The following TMCO5A variants were observed in gnomAD, a reference collection of about 807,000 sequenced individuals.
TMCO5A encodes transmembrane and coiled-coil domains 5A, also known as transmembrane and coiled-coil domain-containing protein 5A.
In TMCO5A, 34 loss-of-function variants were observed where a neutral mutation model predicts 42.3. The observed-to-expected ratio is 0.80, with a 90% CI of 0.61 to 1.07. TMCO5A has a LOEUF of 1.07. Among genes scored for constraint, TMCO5A ranks in the 50% least tolerant of loss-of-function variants. The pLI is 0.00. For missense variants in TMCO5A, 357 were observed against 327.9 expected, an observed-to-expected ratio of 1.09 and a Z score of -0.69; for synonymous variants, 131 against 115.6, an observed-to-expected ratio of 1.13 and a Z score of -0.86.
chr15:37,987,651 A>C, the TMCO5A span, among the ~76,000 whole-genome samples: 2 of 151,936 alleles, frequency 1.3e-5, no homozygotes, highest in Non-Finnish European at 2.9e-5. Flanking sequence ...GTCTTGGCAC[A>C]CTTATCAAAA....
chr15:37,999,680 T>TG, the TMCO5A span, among the ~76,000 whole-genome samples: 16 of 152,220 alleles, frequency 1.1e-4, no homozygotes, highest in African/African-American at 3.9e-4. Flanking sequence ...CATATGGCTT[T>TG]TATTGTATTG....
the TMCO5A span, among the ~76,000 whole-genome samples, chr15:38,019,945 G>T: frequency 6.6e-6 from 1 of 151,328 alleles, no homozygotes; most frequent in South Asian, 2.1e-4. Context: ...AATGTATAAT[G>T]ACATGTACAG....
intron 11 of TMCO5A, among the ~76,000 whole-genome samples, chr15:37,950,641 A>G (rs150657294): frequency 5.5e-4 from 84 of 152,326 alleles, no homozygotes; most frequent in Non-Finnish European, 2.6e-4. Context: ...CATCCATTTG[A>G]TTAGCAAAAG....
At chr15:38,028,198 T>C in the TMCO5A span, among the ~76,000 whole-genome samples, 1 of 152,144 alleles carries the variant, frequency 6.6e-6, no homozygotes, top group African/African-American at 2.4e-5. Context: ...CTTAGCCCCC[T>C]GTTTTCACTT....
At chr15:38,003,221 A>G in the TMCO5A span, among the ~76,000 whole-genome samples, 1 of 32,052 alleles carries the variant, frequency 3.1e-5, no homozygotes, top group Non-Finnish European at 5.8e-5. Flanking sequence ...TCCCAAACAG[A>G]GTCTCTCTCT....
intron 11 of TMCO5A, among the ~76,000 whole-genome samples, chr15:37,962,775 G>A (rs1016936221): frequency 1.3e-5 from 2 of 152,046 alleles, no homozygotes; most frequent in African/African-American, 4.8e-5. Context: ...TAGGAGGGTT[G>A]TATCTTTCCA....
At chr15:38,025,937 A>G in the TMCO5A span, among the ~76,000 whole-genome samples, 1 of 152,180 alleles carries the variant, frequency 6.6e-6, no homozygotes. Flanking sequence ...TGCCGCTGCC[A>G]TGTAAGAAGT....
chr15:38,028,214 A>G, the TMCO5A span, among the ~76,000 whole-genome samples: 4 of 152,352 alleles, frequency 2.6e-5, no homozygotes, highest in East Asian at 3.9e-4. Flanking sequence ...CACTTTCTTC[A>G]TCAGTAACCT....
the TMCO5A span, among the ~76,000 whole-genome samples, chr15:38,016,911 T>C: frequency 6.6e-6 from 1 of 151,080 alleles, no homozygotes; most frequent in Non-Finnish European, 1.5e-5. Flanking sequence ...GACCTAGGCT[T>C]TTTTTTTTCC....
the TMCO5A span, among the ~76,000 whole-genome samples, chr15:37,992,722 C>A: frequency 1.3e-5 from 2 of 152,086 alleles, no homozygotes; most frequent in East Asian, 1.9e-4. Context: ...TAAAGGCCAT[C>A]GTCCTTAGCA....
the TMCO5A span, among the ~76,000 whole-genome samples, chr15:37,988,060 T>C: frequency 6.6e-6 from 1 of 151,954 alleles, no homozygotes; most frequent in Admixed American, 6.6e-5. Context: ...TTTTCTTTGT[T>C]TCTCTTTTAC....
At chr15:38,009,554 A>G in the TMCO5A span, among the ~76,000 whole-genome samples, 1 of 152,244 alleles carries the variant, frequency 6.6e-6, no homozygotes, top group Admixed American at 6.5e-5. Flanking sequence ...AACTCTAAAG[A>G]TACCAAAAGT....
the TMCO5A span, among the ~76,000 whole-genome samples, chr15:38,029,367 CCACA>C: frequency 0.058 from 8,623 of 147,662 alleles, 431 homozygotes; most frequent in African/African-American, 0.13. Context: ...CATGAATACA[CCACA>C]CACACACACA....
chr15:38,010,156 G>T, the TMCO5A span, among the ~76,000 whole-genome samples: 1 of 151,858 alleles, frequency 6.6e-6, no homozygotes, highest in Non-Finnish European at 1.5e-5. Context: ...GGCGGATCAC[G>T]AGGTCAGGAG....
the TMCO5A span, among the ~76,000 whole-genome samples, chr15:38,035,922 A>G: frequency 1.3e-5 from 2 of 152,218 alleles, no homozygotes; most frequent in Admixed American, 6.5e-5. Flanking sequence ...GATATGAATC[A>G]GACACCAGAT....
chr15:38,017,984 G>A, the TMCO5A span, among the ~76,000 whole-genome samples: 1 of 152,132 alleles, frequency 6.6e-6, no homozygotes, highest in Non-Finnish European at 1.5e-5. Flanking sequence ...GATGTGCCTT[G>A]CTTCCCCTTT....
downstream of TMCO5A, among the ~76,000 whole-genome samples, chr15:37,952,402 C>G (rs1890182715): frequency 6.6e-6 from 1 of 152,080 alleles, no homozygotes; most frequent in Non-Finnish European, 1.5e-5. Flanking sequence ...GATAGGGCAC[C>G]AGTCAGAGTC....
exon 12 of TMCO5A, chr15:37,967,557 G>A (rs1890584829): frequency 6.6e-6 from 1 of 152,098 alleles, no homozygotes. Flanking sequence ...GTAGAAGAAT[G>A]GTTACCAGAG....
chr15:37,952,760 G>A (rs1174467549), downstream of TMCO5A, among the ~76,000 whole-genome samples: 1 of 152,188 alleles, frequency 6.6e-6, no homozygotes, highest in Admixed American at 6.5e-5. Context: ...GAGCCCTTGG[G>A]TTCCCAATTT....
Sources: gnomAD v4.1 joint callset for allele counts (sites outside exome capture counted in the v4.1 genomes callset) on GRCh38, gnomAD v4.1.1 for gene constraint, MANE v1.5 for transcripts, NCBI Gene and HGNC (gene_info 2026-07-23, HGNC 2026-07-21) for gene names.